Variants in EPHA6 observed in about 807,000 individuals in gnomAD.
The protein encoded by EPHA6 is ephrin type-A receptor 6.
In EPHA6, 50 loss-of-function variants were observed where a neutral mutation model predicts 112.0. The ratio of observed to expected loss-of-function variants is 0.45; its 90% CI spans 0.36 to 0.56. The LOEUF (loss-of-function observed/expected upper bound fraction) is 0.56. Among genes scored for constraint, EPHA6 ranks in the 20% least tolerant of loss-of-function variants. The pLI is 0.00. For missense variants in EPHA6, 1,280 were observed against 1,417.4 expected, an observed-to-expected ratio of 0.90 and a Z score of 1.56; for synonymous variants, 529 against 490.7, an observed-to-expected ratio of 1.08 and a Z score of -1.03.
At chr3:97,301,717 A>G (rs568346131) in intron 5 of EPHA6, among the ~76,000 whole-genome samples, 1 of 152,242 alleles carries the variant, frequency 6.6e-6, no homozygotes. Flanking sequence ...AACAAATATT[A>G]ATTAAATTAA....
intron 1 of EPHA6, among the ~76,000 whole-genome samples, chr3:96,831,005 T>A (rs1221043687): frequency 6.6e-6 from 1 of 152,100 alleles, no homozygotes; most frequent in African/African-American, 2.4e-5. Flanking sequence ...ACATATATGC[T>A]TCAAAAAATA....
At chr3:97,038,907 A>T (rs1023313359) in intron 3 of EPHA6, among the ~76,000 whole-genome samples, 2 of 152,014 alleles carry the variant, frequency 1.3e-5, no homozygotes, top group African/African-American at 4.8e-5. Flanking sequence ...ACTTTTCTGT[A>T]GCCCCAGGAA....
intron 2 of EPHA6, among the ~76,000 whole-genome samples, chr3:96,981,538 G>A (rs987248014): frequency 2.0e-5 from 3 of 152,040 alleles, no homozygotes; most frequent in Middle Eastern, 3.2e-3. Context: ...TCTCTGCGAG[G>A]CTTTAGTATC....
At chr3:97,230,196 G>C (rs2078484405) in intron 4 of EPHA6, among the ~76,000 whole-genome samples, 1 of 152,046 alleles carries the variant, frequency 6.6e-6, no homozygotes, top group Admixed American at 6.6e-5. Flanking sequence ...GCTATAAATA[G>C]AAAATTGGTA....
At chr3:97,088,437 A>G (rs1377909441) in intron 3 of EPHA6, among the ~76,000 whole-genome samples, 1 of 152,120 alleles carries the variant, frequency 6.6e-6, no homozygotes. Flanking sequence ...TTCTGTCTCC[A>G]TTCTTAGATA....
At chr3:97,053,961 G>A (rs2045768261) in intron 3 of EPHA6, among the ~76,000 whole-genome samples, 1 of 151,884 alleles carries the variant, frequency 6.6e-6, no homozygotes, top group Non-Finnish European at 1.5e-5. Context: ...AACCTAGATG[G>A]CATTGGGTGG....
intron 5 of EPHA6, among the ~76,000 whole-genome samples, chr3:97,311,442 TCACACA>T (rs35415439): frequency 0.014 from 1,959 of 144,148 alleles, 44 homozygotes; most frequent in African/African-American, 0.045. Context: ...GATTACACTT[TCACACA>T]CACACACACA....
chr3:97,410,624 A>G (rs1337440406), intron 6 of EPHA6, among the ~76,000 whole-genome samples: 2 of 152,210 alleles, frequency 1.3e-5, no homozygotes, highest in African/African-American at 4.8e-5. Context: ...GAAAAGTGTG[A>G]CTGAGGAAAG....
intron 2 of EPHA6, among the ~76,000 whole-genome samples, chr3:96,986,510 A>G (rs931206196): frequency 1.3e-5 from 2 of 152,060 alleles, no homozygotes; most frequent in Non-Finnish European, 2.9e-5. Context: ...AAGTTTCACT[A>G]TCTCATCTCT....
chr3:96,929,045 A>G (rs1281415831), intron 2 of EPHA6, among the ~76,000 whole-genome samples: 3 of 152,172 alleles, frequency 2.0e-5, no homozygotes, highest in African/African-American at 7.2e-5. Context: ...AAGACAACAT[A>G]TCAATGGGTC....
At chr3:97,360,707 G>A (rs565597292) in intron 5 of EPHA6, among the ~76,000 whole-genome samples, 2 of 152,024 alleles carry the variant, frequency 1.3e-5, no homozygotes, top group African/African-American at 2.4e-5. Flanking sequence ...AATACAATTC[G>A]AGAAAATAAG....
At chr3:97,663,020 A>T (rs2094180087) in intron 14 of EPHA6, among the ~76,000 whole-genome samples, 1 of 152,304 alleles carries the variant, frequency 6.6e-6, no homozygotes, top group East Asian at 1.9e-4. Flanking sequence ...TTGATCAATG[A>T]CTACTAAGGA....
chr3:97,405,027 C>A, intron 5 of EPHA6, 123 bp from the exon 6 acceptor site: 2 of 1,023,310 alleles, frequency 2.0e-6, no homozygotes, highest in Non-Finnish European at 2.8e-6. Flanking sequence ...TATTAATCTG[C>A]CTTCAATAAA....
chr3:96,871,703 T>A (rs1420019628), intron 2 of EPHA6, among the ~76,000 whole-genome samples: 3 of 152,094 alleles, frequency 2.0e-5, no homozygotes, highest in Non-Finnish European at 4.4e-5. Flanking sequence ...ACATGGTCAG[T>A]CATTACAAAA....
intron 10 of EPHA6, among the ~76,000 whole-genome samples, chr3:97,507,220 G>T (rs1216002516): frequency 6.6e-6 from 1 of 152,176 alleles, no homozygotes; most frequent in Admixed American, 6.5e-5. Flanking sequence ...AGTGGTGAGA[G>T]AGGGCATACT....
intron 14 of EPHA6, among the ~76,000 whole-genome samples, chr3:97,673,782 C>G (rs1034244180): frequency 1.3e-5 from 2 of 152,186 alleles, no homozygotes; most frequent in Non-Finnish European, 2.9e-5. Flanking sequence ...GGACTCATGC[C>G]CCAGTATAGC....
intron 11 of EPHA6, among the ~76,000 whole-genome samples, chr3:97,542,741 T>A (rs1343290801): frequency 1.3e-5 from 2 of 152,218 alleles, no homozygotes; most frequent in East Asian, 1.9e-4. Context: ...TTTCTCCACA[T>A]CCTCTCCAGC....
chr3:97,033,853 C>G (rs901818228), intron 3 of EPHA6, among the ~76,000 whole-genome samples: 1 of 151,858 alleles, frequency 6.6e-6, no homozygotes, highest in African/African-American at 2.4e-5. Context: ...ATTATAATAC[C>G]TCTTTTGTCA....
chr3:97,045,041 G>A (rs1400117217), intron 3 of EPHA6, among the ~76,000 whole-genome samples: 1 of 151,986 alleles, frequency 6.6e-6, no homozygotes, highest in Non-Finnish European at 1.5e-5. Flanking sequence ...CAAATATGTA[G>A]TTATTGATTT....
Sources: gnomAD v4.1 joint callset for allele counts (sites outside exome capture counted in the v4.1 genomes callset) on GRCh38, gnomAD v4.1.1 for gene constraint, MANE v1.5 for transcripts, NCBI Gene and HGNC (gene_info 2026-07-23, HGNC 2026-07-21) for gene names.